Variants in DNHD1 observed in about 807,000 individuals in gnomAD.
DNHD1 encodes the protein dynein heavy chain domain-containing protein 1.
DNHD1 carries 383 observed loss-of-function variants against 458.1 expected under a neutral mutation model. That is an observed-to-expected ratio of 0.84 (90% CI 0.77 to 0.91). The LOEUF is 0.91. DNHD1 is among the 40% of genes least tolerant of loss of function. The pLI, the probability that DNHD1 is intolerant of heterozygous loss-of-function variation, is 0.00. For missense variants in DNHD1, 5,336 were observed against 5,866.1 expected, an observed-to-expected ratio of 0.91 and a Z score of 2.95; for synonymous variants, 2,203 against 2,376.9, an observed-to-expected ratio of 0.93 and a Z score of 2.13.
In DNHD1 at chr11:6,566,489, C is replaced by A. The variant is rs1316893088; in HGVS notation, c.11206+96C>A. Reference sequence around the variant, plus strand: ...GGGCTTCACTCAACCTGGCCCAGAGCAGGCACAGGTCTATAGCAGGGAGCC... The same window carrying A: ...GGGCTTCACTCAACCTGGCCCAGAGAAGGCACAGGTCTATAGCAGGGAGCC... On this transcript the variant is annotated intron_variant, in intron 34 of 42. Transcript: ENST00000254579. 7.1e-6 allele frequency: 11 copies of A among 1,548,230 alleles called. No homozygotes were observed. The East Asian group carries it at 2.4e-4, about 34-fold the overall frequency.
chr11:6,545,737 C>G lies in DNHD1; in HGVS notation c.4798C>G (p.His1600Asp), dbSNP rs1366487992. 1 of 1,551,586 alleles carries G rather than the reference C, an allele frequency of 6.4e-7. No individual in the cohort carries two copies. ...QHQVSDLTDFHWVRQLKYHLG... is the reference protein window; with the variant it reads ...QHQVSDLTDFDWVRQLKYHLG... ...CCAGGTCAGTGATCTCACAGACTTT[C>G]ACTGGGTCCGCCAACTCAAGTATCA... The change falls in exon 21 of 43, where the codon CAC (histidine) becomes GAC (aspartate). Residue 1600 changes from histidine (H) to aspartate (D), a missense_variant. By Grantham distance (81) the His-to-Asp change is moderately conservative (BLOSUM62 -1). Coordinates refer to ENST00000254579, the MANE Select transcript of DNHD1 (RefSeq NM_144666.3). This position sits in a 1 kb window ranked among gnomAD's most constrained non-coding sequence, Gnocchi z 4.9.
intron 24 of DNHD1, among the ~76,000 whole-genome samples, chr11:6,555,024 G>T (rs1197405720): frequency 6.6e-6 from 1 of 152,200 alleles, no homozygotes; most frequent in Non-Finnish European, 1.5e-5. Flanking sequence ...GTGGTGGCAA[G>T]AGATAAGAGT....
At position 6,545,268 on chromosome 11, in the gene DNHD1, T is replaced by C; in HGVS notation, c.4329T>C (p.Asp1443=). ...AGGGTCCCCTTCCTCTGCATCCAGA[T>C]CTCCCTAAGTGGCTGGCCTCTCTGG... ...KLQGPLPLHP[D]LPKWLASLEK... is the part of the protein sequence containing the mutation. The change falls in exon 21 of 43, where the codon GAT becomes GAC. Residue 1443 remains aspartate (D), a synonymous_variant. Coordinates refer to ENST00000254579, the MANE Select transcript of DNHD1 (RefSeq NM_144666.3). This position sits in a 1 kb window ranked among gnomAD's most constrained non-coding sequence, Gnocchi z 4.9. 6.4e-7 allele frequency: 1 copy of C among 1,551,658 alleles called. No individual in the cohort carries two copies. The highest frequency in any genetic ancestry group is 8.7e-7 in the Non-Finnish European group (1 of 1,146,984).
At position 6,564,545 on chromosome 11, in the gene DNHD1, C is replaced by A. The variant is rs1227329165; in HGVS notation, c.10497C>A (p.Asn3499Lys). 1.3e-6 allele frequency: 2 copies of A among 1,551,692 alleles called. No homozygotes were observed. Among genetic ancestry groups the A allele is most frequent in the South Asian group, 2.4e-5 (2 of 84,058 alleles). Residue 3499 changes from asparagine to lysine, a missense_variant, in exon 32 of 43, where the codon AAC becomes AAA. Asn to Lys is a moderately conservative substitution (Grantham distance 94). Around this residue, in one of 4 missense-constraint regions of DNHD1, gnomAD observed 3,932 missense variants for 4,365.6 expected, o/e 0.90. Transcript: ENST00000254579. Reference sequence around the variant, plus strand: ...AATCTGTCAGCATACCACCAAAGAACCCCCTGCTGGCTACACACTCTCCCT... The same window carrying A: ...AATCTGTCAGCATACCACCAAAGAAACCCCTGCTGGCTACACACTCTCCCT... Reference protein sequence around the residue: ...KQKSVSIPPKNPLLATHSPFS... With the variant: ...KQKSVSIPPKKPLLATHSPFS...
Position 6,547,327 on chromosome 11 carries a change from GAC to G in DNHD1, c.6392_6393del (p.Thr2131AsnfsTer27). On this transcript the variant is annotated frameshift_variant, in exon 21 of 43. Transcript: ENST00000254579. LOFTEE classifies it high-confidence loss of function. ...CACCTTTCTCTTGATGGAGGTGGCTGACACAACAGGCATATCCCCCACAGTGG... is the reference window on the plus strand; with the variant it reads ...CACCTTTCTCTTGATGGAGGTGGCTGACAACAGGCATATCCCCCACAGTGG... ...PGTFLLMEVADTTGISPTVVG... is the reference protein window; with the variant it reads ...PGTFLLMEVAXTTGISPTVVG... The G allele has an allele frequency of 1.3e-6, 2 of 1,551,778 alleles. No homozygotes were observed. The highest frequency in any genetic ancestry group is 1.7e-6 in the Non-Finnish European group (2 of 1,147,004).
chr11:6,570,412 G>T lies in DNHD1; in HGVS notation c.13105+16G>T, dbSNP rs1427658825. 1.2e-6 allele frequency: 2 copies of T among 1,600,046 alleles called. No homozygotes were observed. The highest frequency in any genetic ancestry group is 1.3e-5 in the African/African-American group (1 of 74,758). ...CCCCTCCCAGGTAAGCCTCACTCAG[G>T]TATCTGTTTTGGGGTAGGGAATAGT... On this transcript the variant is annotated intron_variant, in intron 41 of 42. Coordinates refer to ENST00000254579, the MANE Select transcript of DNHD1 (RefSeq NM_144666.3).
Position 6,498,605 on chromosome 11 carries a change from T to C in DNHD1, c.390T>C (p.Ile130=), listed in dbSNP as rs1431163288. ...TCCATCTGGACCTGCTAGGTGCCAT[T>C]GTCCAGGCCTTTCCTCCAGACAGCT... ...THLHLDLLGA[I]VQAFPPDSSL... Residue 130 remains isoleucine (I), a synonymous_variant, in exon 3 of 43, where the codon ATT becomes ATC. Transcript: ENST00000254579. The C allele has an allele frequency of 6.2e-7, 1 of 1,614,240 alleles. No individual in the cohort carries two copies. Among genetic ancestry groups the C allele is most frequent in the East Asian group, 2.2e-5 (1 of 44,890 alleles).
intron 16 of DNHD1, 34 bp from the exon 17 acceptor site, chr11:6,539,185 G>A (rs1243412453): frequency 2.8e-6 from 4 of 1,424,984 alleles, no homozygotes; most frequent in East Asian, 2.5e-5. Flanking sequence ...GCCACATACT[G>A]GGTGTTGCTC....
At position 6,519,679 on chromosome 11, in the gene DNHD1, G is replaced by C; in HGVS notation, c.1472G>C (p.Gly491Ala). The change falls in exon 8 of 43, where the codon GGC becomes GCC. Residue 491 changes from glycine (G) to alanine (A), a missense_variant. This residue lies in a region of DNHD1 where 3,932 missense variants were observed against 4,365.6 expected (regional missense o/e 0.90). Coordinates refer to ENST00000254579, the MANE Select transcript of DNHD1 (RefSeq NM_144666.3). The part of the protein sequence containing the change: ...QNCDRIRTGQ[G>A]SIYLQRVQHK... ...TGTGACAGGATCAGGACAGGCCAAG[G>C]CTCCATATACCTTCAGAGGGTACAG... 1 of 1,614,174 alleles carries C rather than the reference G, an allele frequency of 6.2e-7. No homozygotes were observed. The highest frequency in any genetic ancestry group is 8.5e-7 in the Non-Finnish European group (1 of 1,180,026).
Position 6,563,701 on chromosome 11 carries a change from G to A in DNHD1, c.9861G>A (p.Val3287=), listed in dbSNP as rs769435059. The change falls in exon 31 of 43, where the codon GTG becomes GTA. Residue 3287 remains valine (V), a synonymous_variant. Transcript: ENST00000254579. ...AACATACATCCTTCCAGGAGCTGGT[G>A]TTCTTCCCCAAGGAGAAGATAACAG... ...LCTEDFYQEL[V]FFPKEKITDS... 34 of 1,544,896 alleles carry A rather than the reference G, an allele frequency of 2.2e-5. No homozygotes were observed. Among genetic ancestry groups the A allele is most frequent in the Non-Finnish European group, 2.9e-5 (33 of 1,143,666 alleles).
In DNHD1 at chr11:6,557,553, T is replaced by C. The variant is rs371397248; in HGVS notation, c.8258T>C (p.Ile2753Thr). Residue 2753 changes from isoleucine to threonine, a missense_variant, in exon 25 of 43, where the codon ATA (isoleucine) becomes ACA (threonine). This residue lies in a region of DNHD1 where 3,932 missense variants were observed against 4,365.6 expected (regional missense o/e 0.90). Transcript: ENST00000254579. ...AGAGATCCAAGTCTAACACCATCCA[T>C]AGGACCAGTAAGCAGGGGGATGAAG... ...NSRDPSLTPSIGPVSRGMKES... is the reference protein window; with the variant it reads ...NSRDPSLTPSTGPVSRGMKES... The C allele has an allele frequency of 9.0e-6, 14 of 1,551,466 alleles. 1 individual carries two copies. In the Admixed American group the frequency reaches 9.8e-5, roughly 11 times the overall value.
Position 6,519,786 on chromosome 11 carries a change from A to G in DNHD1, c.1579A>G (p.Met527Val), listed in dbSNP as rs745751691. The G allele has an allele frequency of 6.2e-7, 1 of 1,613,688 alleles. No homozygotes were observed. Among genetic ancestry groups the G allele is most frequent in the South Asian group, 1.1e-5 (1 of 91,076 alleles). The part of the protein sequence containing the change: ...LGKFARLVDY[M>V]ICQSLISVLE... The stretch of plus-strand genomic sequence containing the variant: ...AAAGTTTGCCCGCCTGGTTGACTAC[A>G]TGATTTGTCAGAGCCTCATTTCTGT... Residue 527 changes from methionine to valine, a missense_variant, in exon 8 of 43, where the codon ATG (methionine) becomes GTG (valine). Met to Val is a conservative substitution (Grantham distance 21). Around this residue, in one of 4 missense-constraint regions of DNHD1, gnomAD observed 3,932 missense variants for 4,365.6 expected, o/e 0.90. Coordinates refer to ENST00000254579, the MANE Select transcript of DNHD1 (RefSeq NM_144666.3).
At chr11:6,502,306 G>C (rs1430998497) in intron 3 of DNHD1, among the ~76,000 whole-genome samples, 1 of 152,138 alleles carries the variant, frequency 6.6e-6, no homozygotes, top group Admixed American at 6.5e-5. Flanking sequence ...GGGTTGGAAA[G>C]CAGGTATAAT....
At chr11:6,568,603 C>T in intron 38 of DNHD1, 27 bp downstream of exon 38, 1 of 1,613,876 alleles carries the variant, frequency 6.2e-7, no homozygotes, top group Non-Finnish European at 8.5e-7. Context: ...CCTACAGGCT[C>T]TCAAATTGGA....
At chr11:6,540,278 C>T (rs1431122455) in intron 18 of DNHD1, among the ~76,000 whole-genome samples, 195 bp downstream of exon 18, 1 of 152,202 alleles carries the variant, frequency 6.6e-6, no homozygotes, top group Non-Finnish European at 1.5e-5. Flanking sequence ...TTGGGATCCC[C>T]TTCCCCTCAC....
intron 24 of DNHD1, among the ~76,000 whole-genome samples, chr11:6,551,066 T>G (rs568762265): frequency 6.6e-6 from 1 of 152,320 alleles, no homozygotes; most frequent in East Asian, 1.9e-4. Flanking sequence ...CAAATGCACA[T>G]GAAACATTCA....
intron 19 of DNHD1, 98 bp downstream of exon 19, chr11:6,544,344 TGAA>T (rs1853161589): frequency 7.1e-7 from 1 of 1,401,876 alleles, no homozygotes; most frequent in African/African-American, 1.4e-5. Flanking sequence ...GGAGAAGATA[TGAA>T]GAACACAGTG....
chr11:6,517,771 T>G (rs2134390968), intron 7 of DNHD1, among the ~76,000 whole-genome samples: 1 of 149,248 alleles, frequency 6.7e-6, no homozygotes, highest in Middle Eastern at 3.5e-3. Flanking sequence ...ACCGTCACCT[T>G]ATGGGTTCAG....
chr11:6,515,817 C>T (rs1470946287), intron 7 of DNHD1, among the ~76,000 whole-genome samples: 3 of 140,368 alleles, frequency 2.1e-5, no homozygotes, highest in African/African-American at 5.4e-5. Flanking sequence ...CAGGGACTCA[C>T]TCTGTCACCC....
Sources: gnomAD v4.1 joint callset for allele counts (sites outside exome capture counted in the v4.1 genomes callset) on GRCh38, gnomAD v4.1.1 for gene constraint, gnomAD v4.1.1 regional missense constraint, Gnocchi (gnomAD v3.1) non-coding constraint, MANE v1.5 for transcripts, NCBI Gene and HGNC (gene_info 2026-07-23, HGNC 2026-07-21) for gene names.